The following SLC6A5 variants were observed in gnomAD, a reference collection of about 807,000 sequenced individuals.
SLC6A5 encodes sodium- and chloride-dependent glycine transporter 2.
Under a neutral mutation model 90.5 loss-of-function variants are expected in SLC6A5, and 58 were observed. The observed-to-expected ratio is 0.64, with a 90% CI of 0.52 to 0.80. The LOEUF is 0.80. Ranked by LOEUF, SLC6A5 falls within the 30% of genes least tolerant of loss-of-function variation. The probability of loss-of-function intolerance (pLI) is 0.00; values close to 1 mark genes in which losing one functional copy is unlikely to be tolerated. For synonymous variants in SLC6A5, 427 were observed against 401.4 expected (o/e 1.06, Z -0.76); for missense variants, 1,015 against 1,017.6 (o/e 1.00, Z 0.03).
At chr11:20,612,093 GA>G (rs1301376084) in intron 5 of SLC6A5, among the ~76,000 whole-genome samples, 4 of 152,182 alleles carry the variant, frequency 2.6e-5, no homozygotes, top group Non-Finnish European at 5.9e-5. Context: ...AAGAACTACT[GA>G]AAGGGAAGGG....
In SLC6A5 at chr11:20,656,381, T is replaced by A. The variant is rs996123957; in HGVS notation, c.*1513T>A. ...TTTCCTTTAGGGGAGATCATTTCAA[T>A]CATTTTCTTCATTTATCTTCATAGT... is the stretch of plus-strand genomic sequence containing the variant. On this transcript the variant is annotated 3_prime_UTR_variant, in exon 16 of 16. Coordinates refer to ENST00000525748, the MANE Select transcript of SLC6A5 (RefSeq NM_004211.5). 8 of 152,236 alleles carry A rather than the reference T, an allele frequency of 5.3e-5. No homozygotes were observed. Among genetic ancestry groups the A allele is most frequent in the African/African-American group, 1.7e-4 (7 of 41,458 alleles). 9.4% of individuals were successfully genotyped at this position (152,236 alleles called of 1,614,324 possible). A position where few individuals can be genotyped will look rare whatever the true frequency, so the allele number is the denominator to read the frequency against.
intron 6 of SLC6A5, among the ~76,000 whole-genome samples, chr11:20,616,139 A>G (rs1654155166): frequency 6.6e-6 from 1 of 152,180 alleles, no homozygotes; most frequent in African/African-American, 2.4e-5. Flanking sequence ...CCCAGTTGTC[A>G]TTATTTCCTA....
intron 13 of SLC6A5, among the ~76,000 whole-genome samples, chr11:20,646,528 T>C (rs984961196): frequency 2.6e-5 from 4 of 152,170 alleles, no homozygotes; most frequent in African/African-American, 7.2e-5. Flanking sequence ...AGATGTCAGG[T>C]TGTAGCAATG....
chr11:20,604,603 C>A (rs1030346480), intron 3 of SLC6A5, among the ~76,000 whole-genome samples, 179 bp downstream of exon 3: 5 of 152,142 alleles, frequency 3.3e-5, no homozygotes, highest in Non-Finnish European at 5.9e-5. Flanking sequence ...CGACCATAAT[C>A]GATCGGCATT....
chr11:20,645,632 AGT>A (rs1398623136), intron 13 of SLC6A5, among the ~76,000 whole-genome samples: 43 of 122,110 alleles, frequency 3.5e-4, no homozygotes, highest in African/African-American at 1.2e-3. Context: ...GGAATGATGA[AGT>A]GTTTTTTTTT....
At chr11:20,602,183 T>A (rs1852493335) in intron 2 of SLC6A5, among the ~76,000 whole-genome samples, 1 of 152,216 alleles carries the variant, frequency 6.6e-6, no homozygotes. Flanking sequence ...TGGGTTTACC[T>A]GAGGCTACTG....
rs991349879 is a variant in SLC6A5 at position 20,657,391 on chromosome 11, GT to G, written c.*2526del. ...TGCAGTAGCTGCTCCCTGAGCAGCT[GT>G]TTCCCCCCCACCCCACTTCACTATA... On this transcript the variant is annotated 3_prime_UTR_variant, in exon 16 of 16. Transcript: ENST00000525748. 1.3e-5 allele frequency: 2 copies of G among 152,020 alleles called. No homozygotes were observed. Among genetic ancestry groups the G allele is most frequent in the African/African-American group, 4.8e-5 (2 of 41,386 alleles). The allele number at this position is 152,020 out of a possible 1,614,324, so 9.4% of individuals were successfully genotyped here.
intron 2 of SLC6A5, among the ~76,000 whole-genome samples, chr11:20,603,043 G>A (rs549029224): frequency 1.3e-5 from 2 of 152,264 alleles, no homozygotes; most frequent in African/African-American, 4.8e-5. Context: ...AAGATGTTTG[G>A]TTTCTGGAAG....
At chr11:20,618,145 G>T (rs1852819812) in intron 7 of SLC6A5, among the ~76,000 whole-genome samples, 1 of 152,040 alleles carries the variant, frequency 6.6e-6, no homozygotes, top group Admixed American at 6.5e-5. Context: ...CTCTGATTAG[G>T]ATTTCCTTCC....
chr11:20,607,100 G>T lies in SLC6A5; in HGVS notation c.773G>T (p.Gly258Val), dbSNP rs576059875. ...EVSLGQFASQ[G>V]PVSVWKAIPA... ...TCGCTGGGCCAGTTTGCCAGCCAGGGACCAGTGTCTGTGTGGAAGGCCATC... is the reference window on the plus strand; with the variant it reads ...TCGCTGGGCCAGTTTGCCAGCCAGGTACCAGTGTCTGTGTGGAAGGCCATC... The change falls in exon 4 of 16, where the codon GGA becomes GTA. Residue 258 changes from glycine to valine, a missense_variant. Coordinates refer to ENST00000525748, the MANE Select transcript of SLC6A5 (RefSeq NM_004211.5). The T allele has an allele frequency of 6.2e-7, 1 of 1,614,092 alleles. No individual in the cohort carries two copies. Among genetic ancestry groups the T allele is most frequent in the African/African-American group, 1.3e-5 (1 of 75,010 alleles).
intron 13 of SLC6A5, among the ~76,000 whole-genome samples, chr11:20,646,167 G>A (rs1285352523): frequency 6.6e-6 from 1 of 152,148 alleles, no homozygotes; most frequent in African/African-American, 2.4e-5. Context: ...AACCAAGAGG[G>A]TGCAGGGATG....
At chr11:20,650,302 C>T (rs1853500315) in intron 14 of SLC6A5, among the ~76,000 whole-genome samples, 1 of 152,136 alleles carries the variant, frequency 6.6e-6, no homozygotes, top group Non-Finnish European at 1.5e-5. Flanking sequence ...CTTGGCTCCA[C>T]TTTTTAAAGA....
In SLC6A5 at chr11:20,607,124, TC is replaced by T; in HGVS notation, c.800del (p.Pro267GlnfsTer11). On this transcript the variant is annotated frameshift_variant, in exon 4 of 16. Coordinates refer to ENST00000525748, the MANE Select transcript of SLC6A5 (RefSeq NM_004211.5). LOFTEE classifies it high-confidence loss of function. Reference protein sequence around the residue: ...SQGPVSVWKAIPALQGCGIAM... With the variant: ...SQGPVSVWKAXPALQGCGIAM... ...GGACCAGTGTCTGTGTGGAAGGCCA[TC>T]CCAGCTCTACAAGGTGAGTCCAGCC... 6.2e-7 allele frequency: 1 copy of T among 1,613,930 alleles called. No individual in the cohort carries two copies. Among genetic ancestry groups the T allele is most frequent in the Non-Finnish European group, 8.5e-7 (1 of 1,179,956 alleles).
intron 13 of SLC6A5, among the ~76,000 whole-genome samples, chr11:20,639,499 T>C (rs984783807): frequency 2.0e-5 from 3 of 152,170 alleles, no homozygotes; most frequent in African/African-American, 7.2e-5. Flanking sequence ...GGGACAAATG[T>C]ACCCTCTGAA....
intron 10 of SLC6A5, among the ~76,000 whole-genome samples, chr11:20,634,037 A>C (rs1306804184): frequency 6.6e-6 from 1 of 152,096 alleles, no homozygotes; most frequent in Non-Finnish European, 1.5e-5. Flanking sequence ...ACGCCCGGCT[A>C]ATTTTTGTAT....
In SLC6A5 at chr11:20,646,519, G is replaced by T. The variant is rs12420791; in HGVS notation, c.1970-315G>T. On this transcript the variant is annotated intron_variant, in intron 13 of 15. Transcript: ENST00000525748. ...CCTCAGAAAACAGCTGCACATGTGAGATGTCAGGTTGTAGCAATGCTGAGA... is the reference window on the plus strand; with the variant it reads ...CCTCAGAAAACAGCTGCACATGTGATATGTCAGGTTGTAGCAATGCTGAGA... Among the ~76,000 whole-genome samples the T allele has an allele frequency of 0.37, 57,002 of 152,138 alleles. 12,540 individuals are homozygous for T. Among genetic ancestry groups the T allele is most frequent in the East Asian group, 0.83 (4,295 of 5,162 alleles).
chr11:20,629,827 T>C (rs1480244209), intron 9 of SLC6A5, among the ~76,000 whole-genome samples: 1 of 151,852 alleles, frequency 6.6e-6, no homozygotes, highest in Non-Finnish European at 1.5e-5. Flanking sequence ...CCTCCCAGGT[T>C]CAAGCAATTC....
intron 7 of SLC6A5, among the ~76,000 whole-genome samples, chr11:20,621,767 C>T (rs1852893986): frequency 6.6e-6 from 1 of 152,220 alleles, no homozygotes; most frequent in Admixed American, 6.5e-5. Flanking sequence ...GCCAGATAAG[C>T]TCAGTTCCTC....
intron 2 of SLC6A5, among the ~76,000 whole-genome samples, chr11:20,603,808 G>T (rs1379217970): frequency 1.3e-5 from 2 of 152,112 alleles, no homozygotes; most frequent in African/African-American, 4.8e-5. Flanking sequence ...GGCTGAGGAG[G>T]AGGTGTGGTG....
Sources: gnomAD v4.1 joint callset for allele counts (sites outside exome capture counted in the v4.1 genomes callset) on GRCh38, gnomAD v4.1.1 for gene constraint, MANE v1.5 for transcripts, NCBI Gene and HGNC (gene_info 2026-07-23, HGNC 2026-07-21) for gene names.